ADGRL1: variants seen among roughly 807,000 people sequenced by gnomAD.
ADGRL1 encodes the protein adhesion G protein-coupled receptor L1.
ADGRL1 carries 31 observed loss-of-function variants against 148.9 expected under a neutral mutation model. The observed-to-expected ratio is 0.21, with a 90% CI of 0.16 to 0.28. The LOEUF is 0.28. Among genes scored for constraint, ADGRL1 ranks in the 10% least tolerant of loss-of-function variants. ADGRL1 has a pLI of 1.00. For synonymous variants in ADGRL1, 937 were observed against 900.3 expected (o/e 1.04, Z -0.73); for missense variants, 1,521 against 2,058.8 (o/e 0.74, Z 5.05).
chr19:14,176,575 G>A (rs117429962), intron 3 of ADGRL1, among the ~76,000 whole-genome samples: 558 of 152,246 alleles, frequency 3.7e-3, no homozygotes, highest in Non-Finnish European at 6.3e-3. Flanking sequence ...GGTGGCTCAT[G>A]CCTGTCATCC....
At chr19:14,187,568 C>T (rs1599496775) in intron 1 of ADGRL1, among the ~76,000 whole-genome samples, 2 of 76,946 alleles carry the variant, frequency 2.6e-5, no homozygotes, top group Non-Finnish European at 6.1e-5. Context: ...TTCAGTAAAT[C>T]CCCCCCAGCT....
chr19:14,178,913 G>GA (rs1971002987), intron 2 of ADGRL1, among the ~76,000 whole-genome samples: 1 of 152,134 alleles, frequency 6.6e-6, no homozygotes, highest in African/African-American at 2.4e-5. Flanking sequence ...GCCAGGCGCG[G>GA]TGGCTCACAC....
intron 4 of ADGRL1, among the ~76,000 whole-genome samples, chr19:14,166,103 G>A (rs556486334): frequency 1.1e-3 from 174 of 151,498 alleles, no homozygotes; most frequent in African/African-American, 3.7e-3. Context: ...TGCCCCCGCC[G>A]CCCGCCGCCC....
In ADGRL1 at chr19:14,157,192, C is replaced by T. The variant is rs375499984; in HGVS notation, c.2746-47G>A. On this transcript the variant is annotated intron_variant, in intron 14 of 22. Coordinates refer to ENST00000361434, the MANE Select transcript of ADGRL1 (RefSeq NM_014921.5). This position sits in a 1 kb window ranked among gnomAD's most constrained non-coding sequence, Gnocchi z 7.5. ...AGGGGCTGCTGCCTGGACAGGTGTCCCCCTTCTTCTCCCGGCCCCCAGGCG... is the reference window on the plus strand; with the variant it reads ...AGGGGCTGCTGCCTGGACAGGTGTCTCCCTTCTTCTCCCGGCCCCCAGGCG... 1.2e-6 allele frequency: 2 copies of T among 1,613,008 alleles called. No homozygotes were observed. Among genetic ancestry groups the T allele is most frequent in the Non-Finnish European group, 1.7e-6 (2 of 1,179,240 alleles).
intron 3 of ADGRL1, among the ~76,000 whole-genome samples, 187 bp downstream of exon 3, chr19:14,177,344 C>A (rs1040963639): frequency 1.1e-4 from 16 of 152,066 alleles, no homozygotes; most frequent in African/African-American, 3.6e-4. Context: ...GTCGGGGGCA[C>A]AGGCTGGCTG....
At chr19:14,202,797 C>A (rs1972700843) in intron 1 of ADGRL1, among the ~76,000 whole-genome samples, 1 of 152,122 alleles carries the variant, frequency 6.6e-6, no homozygotes, top group African/African-American at 2.4e-5. Context: ...CTTCTTGCAG[C>A]CCTGCCTCCC....
In ADGRL1 at chr19:14,183,422, C is replaced by T. The variant is rs1401283023; in HGVS notation, c.70+111G>A. On this transcript the variant is annotated intron_variant, in intron 2 of 22. Coordinates refer to ENST00000361434, the MANE Select transcript of ADGRL1 (RefSeq NM_014921.5). ...GCTCCAGCTGAGGTCTGGGGCGGGG[C>T]AGGGGGCTGTAATTCTTTACTGAGT... 4 of 1,005,456 alleles carry T rather than the reference C, an allele frequency of 4.0e-6. No individual in the cohort carries two copies. In the Admixed American group the frequency reaches 6.7e-5, roughly 17 times the overall value. The allele number at this position is 1,005,456 out of a possible 1,614,324, so 62.3% of individuals were successfully genotyped here.
chr19:14,197,723 A>T lies in ADGRL1; in HGVS notation c.-96+8262T>A, dbSNP rs150849155. Among the ~76,000 whole-genome samples the T allele has an allele frequency of 4.7e-3, 719 of 152,280 alleles. 7 individuals carry two copies. The highest frequency in any genetic ancestry group is 0.016 in the African/African-American group (684 of 41,544). On this transcript the variant is annotated intron_variant, in intron 1 of 22. Transcript: ENST00000361434. The stretch of plus-strand genomic sequence containing the variant: ...AACTGGACTTGGGCTCAGCTGTTAA[A>T]TGTCTGTCTTCCCCACCATCGAGGG...
chr19:14,162,004 C>CA lies in ADGRL1; in HGVS notation c.1196-379_1196-378insT, dbSNP rs1969445321. 6.6e-6 allele frequency among the ~76,000 whole-genome samples: 1 copy of CA among 152,080 alleles called. No homozygotes were observed. The highest frequency in any genetic ancestry group is 2.4e-5 in the African/African-American group (1 of 41,412). On this transcript the variant is annotated intron_variant, in intron 5 of 22. Transcript: ENST00000361434. This position sits in a 1 kb window ranked among gnomAD's most constrained non-coding sequence, Gnocchi z 5.4. ...CCACCAGGTGGGGGCTGAATACCAC[C>CA]GCCCCCCATCCTCGTTCTAGCTGAC... is the stretch of plus-strand genomic sequence containing the variant.
intron 1 of ADGRL1, among the ~76,000 whole-genome samples, chr19:14,198,334 T>G (rs1285124729): frequency 1.3e-5 from 2 of 152,038 alleles, no homozygotes; most frequent in Non-Finnish European, 2.9e-5. Flanking sequence ...AGACTGTGTG[T>G]GGGGAGGGTT....
At chr19:14,186,633 C>T (rs1181531640) in intron 1 of ADGRL1, among the ~76,000 whole-genome samples, 3 of 152,246 alleles carry the variant, frequency 2.0e-5, no homozygotes, top group East Asian at 3.9e-4. Flanking sequence ...CCCAATCCGC[C>T]CTTCACTCAG....
Position 14,151,433 on chromosome 19 carries a change from C to T in ADGRL1, c.3850G>A (p.Val1284Met), listed in dbSNP as rs1410483433. The change falls in exon 23 of 23, where the codon GTG becomes ATG. Residue 1284 changes from valine to methionine, a missense_variant. By Grantham distance (21) the Val-to-Met change is conservative. Coordinates refer to ENST00000361434, the MANE Select transcript of ADGRL1 (RefSeq NM_014921.5). ...AFEKMIISELVHNNLRGSSSA... is the reference protein window; with the variant it reads ...AFEKMIISELMHNNLRGSSSA... ...CTGCTCCCCCGCAGGTTGTTGTGCACCAGCTCTGAGATGATCATCTTCTCA... is the reference window on the plus strand; with the variant it reads ...CTGCTCCCCCGCAGGTTGTTGTGCATCAGCTCTGAGATGATCATCTTCTCA... 1 of 1,612,922 alleles carries T rather than the reference C, an allele frequency of 6.2e-7. No homozygotes were observed. Among genetic ancestry groups the T allele is most frequent in the South Asian group, 1.1e-5 (1 of 91,034 alleles).
At chr19:14,193,764 AGACCATGT>A (rs1210762604) in intron 1 of ADGRL1, among the ~76,000 whole-genome samples, 1 of 152,236 alleles carries the variant, frequency 6.6e-6, no homozygotes, top group Non-Finnish European at 1.5e-5. Context: ...CATGCACAGA[AGACCATGT>A]GACCATGAAG....
At chr19:14,201,146 G>T (rs2420427) in intron 1 of ADGRL1, among the ~76,000 whole-genome samples, 2 of 151,994 alleles carry the variant, frequency 1.3e-5, no homozygotes, top group Non-Finnish European at 2.9e-5. Context: ...AATGGAAATC[G>T]TCTAGGAAAT....
At chr19:14,178,724 T>C (rs1341851150) in intron 2 of ADGRL1, among the ~76,000 whole-genome samples, 1 of 152,124 alleles carries the variant, frequency 6.6e-6, no homozygotes, top group African/African-American at 2.4e-5. Flanking sequence ...CTTTTCTATG[T>C]TGCCCAAGCT....
In ADGRL1 at chr19:14,159,029, C is replaced by G; in HGVS notation, c.2149+61G>C. The G allele has an allele frequency of 2.5e-6, 4 of 1,598,146 alleles. No homozygotes were observed. The South Asian group carries it at 4.4e-5, about 18-fold the overall frequency. On this transcript the variant is annotated intron_variant, in intron 11 of 22. Transcript: ENST00000361434. The surrounding 1 kb of genome is among the most constrained non-coding windows in gnomAD (Gnocchi z 6.0). ...TACAAATGGCACAGAGACGCTGGCA[C>G]AGAGCTGGGGGGTGGGGGTGGGGCT... is the stretch of plus-strand genomic sequence containing the variant.
chr19:14,157,517 G>A lies in ADGRL1; in HGVS notation c.2536-57C>T. ...CCTTTGGTTTTGCACGCTGGGCTCAGCCAGGTGCCAGCCACAGACAGGGCC... is the reference window on the plus strand; with the variant it reads ...CCTTTGGTTTTGCACGCTGGGCTCAACCAGGTGCCAGCCACAGACAGGGCC... On this transcript the variant is annotated intron_variant, in intron 13 of 22. Transcript: ENST00000361434. The surrounding 1 kb of genome is among the most constrained non-coding windows in gnomAD (Gnocchi z 7.5). 1 of 1,546,052 alleles carries A rather than the reference G, an allele frequency of 6.5e-7. No individual in the cohort carries two copies. The highest frequency in any genetic ancestry group is 8.9e-7 in the Non-Finnish European group (1 of 1,122,760).
chr19:14,156,049 T>C, intron 17 of ADGRL1, 61 bp downstream of exon 17: 1 of 951,966 alleles, frequency 1.1e-6, no homozygotes, highest in Non-Finnish European at 1.4e-6. Flanking sequence ...CTGGAAGAGG[T>C]GGGCCCAGCG....
At chr19:14,204,558 T>C (rs1305203972) in intron 1 of ADGRL1, among the ~76,000 whole-genome samples, 4 of 151,986 alleles carry the variant, frequency 2.6e-5, no homozygotes, top group Admixed American at 6.6e-5. Context: ...CCAAACAGCA[T>C]GGAGGTCAAC....
Sources: allele counts gnomAD v4.1 joint callset (sites outside exome capture counted in the v4.1 genomes callset), GRCh38; gene constraint gnomAD v4.1.1; non-coding constraint Gnocchi (gnomAD v3.1); transcripts MANE v1.5; gene names NCBI Gene and HGNC (gene_info 2026-07-23, HGNC 2026-07-21).